DDX20: variants seen among roughly 807,000 people sequenced by gnomAD.
The protein encoded by DDX20 is probable ATP-dependent RNA helicase DDX20.
In DDX20, 61 loss-of-function variants were observed where a neutral mutation model predicts 76.4. The ratio of observed to expected loss-of-function variants is 0.80; its 90% CI spans 0.65 to 0.99. The LOEUF is 0.99. Among genes scored for constraint, DDX20 ranks in the 50% least tolerant of loss-of-function variants. The probability of loss-of-function intolerance (pLI) is 0.00; values close to 1 mark genes in which losing one functional copy is unlikely to be tolerated. For synonymous variants in DDX20, 357 were observed against 357.4 expected, an observed-to-expected ratio of 1.00 and a Z score of 0.01; for missense variants, 976 against 996.8, an observed-to-expected ratio of 0.98 and a Z score of 0.28.
chr1:111,760,321 C>G, intron 3 of DDX20, 153 bp from the exon 4 acceptor site: 1 of 537,420 alleles, frequency 1.9e-6, no homozygotes, highest in East Asian at 3.2e-5. Flanking sequence ...CTCCAGATTT[C>G]TAATTTGTGG....
chr1:111,763,043 A>G, intron 10 of DDX20, 36 bp downstream of exon 10: 1 of 1,478,828 alleles, frequency 6.8e-7, no homozygotes, highest in Non-Finnish European at 9.4e-7. Flanking sequence ...CAAAATAATT[A>G]TAGTGGTGAT....
At chr1:111,760,658 G>T in intron 4 of DDX20, 48 bp from the exon 5 acceptor site, 1 of 1,600,770 alleles carries the variant, frequency 6.2e-7, no homozygotes, top group Non-Finnish European at 8.5e-7. Context: ...TTTCCAAGTG[G>T]TGATTATTGT....
At chr1:111,758,665 G>A (rs183759012) in intron 2 of DDX20, among the ~76,000 whole-genome samples, 1 of 152,098 alleles carries the variant, frequency 6.6e-6, no homozygotes, top group Non-Finnish European at 1.5e-5. Context: ...TGCCATTCAC[G>A]TAGGTCTCTG....
rs1663807639 is a variant in DDX20, at chr1:111,767,530, G to A, written c.*631G>A. ...TCTTTTGAATGTCTTTTGAGGCTGT[G>A]AAAGCTGTCCACATTTTTGCTGTGT... On this transcript the variant is annotated 3_prime_UTR_variant, in exon 11 of 11. Coordinates refer to ENST00000369702, the MANE Select transcript of DDX20 (RefSeq NM_007204.5). 6.6e-6 allele frequency: 1 copy of A among 152,238 alleles called. No homozygotes were observed. The highest frequency in any genetic ancestry group is 1.5e-5 in the Non-Finnish European group (1 of 68,068). 9.4% of individuals were successfully genotyped at this position (152,238 alleles called of 1,614,324 possible). A position where few individuals can be genotyped will look rare whatever the true frequency, so the allele number is the denominator to read the frequency against.
In DDX20 at chr1:111,756,712, C is replaced by G. The variant is rs1663564884; in HGVS notation, c.368C>G (p.Ser123Cys). 6.2e-7 allele frequency: 1 copy of G among 1,614,014 alleles called. No individual in the cohort carries two copies. The highest frequency in any genetic ancestry group is 8.5e-7 in the Non-Finnish European group (1 of 1,180,010). Residue 123 changes from serine to cysteine, a missense_variant, in exon 2 of 11, where the codon TCT (serine) becomes TGT (cysteine). Transcript: ENST00000369702. Reference sequence around the variant, plus strand: ...GTGTTCTCCACCATAGCTTTGGACTCTCTTGTTCTTGAAAACTTAAGTACC... The same window carrying G: ...GTGTTCTCCACCATAGCTTTGGACTGTCTTGTTCTTGAAAACTTAAGTACC... The part of the protein sequence containing the change: ...TCVFSTIALD[S>C]LVLENLSTQI...
At chr1:111,758,630 G>A (rs1336396907) in intron 2 of DDX20, among the ~76,000 whole-genome samples, 1 of 151,770 alleles carries the variant, frequency 6.6e-6, no homozygotes, top group African/African-American at 2.4e-5. Flanking sequence ...GCTTCCCCAG[G>A]GGTCATATAG....
At chr1:111,761,436 T>A in intron 7 of DDX20, 152 bp downstream of exon 7, 1 of 605,254 alleles carries the variant, frequency 1.7e-6, no homozygotes, top group Non-Finnish European at 2.8e-6. Flanking sequence ...TTATTTTTCA[T>A]TGGAATTTGA....
Position 111,762,933 on chromosome 1 carries a change from G to A in DDX20, c.1238G>A (p.Cys413Tyr), listed in dbSNP as rs755337876. ...ACATTGGGGCTGACAGTGACCTACT[G>A]TTGCCGGGGAGAGGAAGAAAATATG... The part of the protein sequence containing the change: ...FGTLGLTVTY[C>Y]CRGEEENMMM... Residue 413 changes from cysteine (C) to tyrosine (Y), a missense_variant, in exon 10 of 11, where the codon TGT (cysteine) becomes TAT (tyrosine). Transcript: ENST00000369702. The A allele has an allele frequency of 1.2e-6, 2 of 1,613,964 alleles. No homozygotes were observed. Among genetic ancestry groups the A allele is most frequent in the South Asian group, 1.1e-5 (1 of 91,086 alleles).
Position 111,767,766 on chromosome 1 carries a change from A to G in DDX20, c.*867A>G, listed in dbSNP as rs1663812740. The G allele has an allele frequency of 6.6e-6, 1 of 152,218 alleles. No homozygotes were observed. Among genetic ancestry groups the G allele is most frequent in the Non-Finnish European group, 1.5e-5 (1 of 68,030 alleles). 9.4% of individuals were successfully genotyped at this position (152,218 alleles called of 1,614,324 possible). A position where few individuals can be genotyped will look rare whatever the true frequency, so the allele number is the denominator to read the frequency against. Reference sequence around the variant, plus strand: ...TCTGAAGTTCATCTATACAGTCCAGATTAACAAGTGACCTGCTCTGCTGGT... The same window carrying G: ...TCTGAAGTTCATCTATACAGTCCAGGTTAACAAGTGACCTGCTCTGCTGGT... On this transcript the variant is annotated 3_prime_UTR_variant, in exon 11 of 11. Coordinates refer to ENST00000369702, the MANE Select transcript of DDX20 (RefSeq NM_007204.5).
intron 2 of DDX20, among the ~76,000 whole-genome samples, chr1:111,757,310 C>G (rs1370353964): frequency 4.6e-5 from 7 of 152,172 alleles, no homozygotes; most frequent in African/African-American, 1.7e-4. Flanking sequence ...CTTTGCCTCC[C>G]AAAGTACTGG....
intron 1 of DDX20, 26 bp downstream of exon 1, chr1:111,756,251 C>CG: frequency 2.9e-6 from 2 of 694,664 alleles, no homozygotes; most frequent in Non-Finnish European, 3.8e-6. Flanking sequence ...CGGGATAGGT[C>CG]GGGGGGTGGG....
chr1:111,756,879 A>C lies in DDX20; in HGVS notation c.396+139A>C, dbSNP rs947798004. 7 of 669,276 alleles carry C rather than the reference A, an allele frequency of 1.0e-5. No individual in the cohort carries two copies. The African/African-American group carries it at 1.1e-4, about 10-fold the overall frequency. 41.5% of individuals were successfully genotyped at this position (669,276 alleles called of 1,614,324 possible). ...AAGTGGTGGTGGTGGCGAAATTTGG[A>C]ATTTTCTATGCGTACCTTATTTAAA... On this transcript the variant is annotated intron_variant, in intron 2 of 10. Coordinates refer to ENST00000369702, the MANE Select transcript of DDX20 (RefSeq NM_007204.5).
chr1:111,758,367 T>TC, intron 2 of DDX20, among the ~76,000 whole-genome samples: 1 of 152,006 alleles, frequency 6.6e-6, no homozygotes, highest in Non-Finnish European at 1.5e-5. Context: ...TTTTTTTTTT[T>TC]TTTTTTAAAT....
At position 111,759,538 on chromosome 1, in the gene DDX20, A is replaced by G; in HGVS notation, c.535A>G (p.Lys179Glu). 2 of 1,613,776 alleles carry G rather than the reference A, an allele frequency of 1.2e-6. No individual in the cohort carries two copies. The highest frequency in any genetic ancestry group is 1.7e-6 in the Non-Finnish European group (2 of 1,179,902). ...TPLSQDKTRL[K>E]KCHIAVGSPG... The stretch of plus-strand genomic sequence containing the variant: ...ATTATCACAAGACAAAACCAGACTT[A>G]AAAAGTGTCATATTGCTGTTGGATC... Residue 179 changes from lysine to glutamate, a missense_variant, in exon 3 of 11, where the codon AAA becomes GAA. Around this residue, in one of 3 missense-constraint regions of DDX20, gnomAD observed 343 missense variants for 286.4 expected, o/e 1.20. Coordinates refer to ENST00000369702, the MANE Select transcript of DDX20 (RefSeq NM_007204.5).
Position 111,756,223 on chromosome 1 carries a change from T to A in DDX20, c.299T>A (p.Leu100His). ...LKAIPLGRCG[L>H]DLIVQAKSGT... is the part of the protein sequence containing the mutation. ...GCCATCCCGTTGGGGCGCTGCGGGCTCGGTGAGAGCGGGGGCCCGGGATAG... is the reference window on the plus strand; with the variant it reads ...GCCATCCCGTTGGGGCGCTGCGGGCACGGTGAGAGCGGGGGCCCGGGATAG... The change falls in exon 1 of 11, where the codon CTC (leucine) becomes CAC (histidine). Residue 100 changes from leucine (L) to histidine (H), a missense_variant and splice_region_variant. Physicochemically the swap from Leu to His is moderately conservative, Grantham distance 99 (BLOSUM62 -3). Coordinates refer to ENST00000369702, the MANE Select transcript of DDX20 (RefSeq NM_007204.5). 7.4e-7 allele frequency: 1 copy of A among 1,360,342 alleles called. No individual in the cohort carries two copies. Among genetic ancestry groups the A allele is most frequent in the Non-Finnish European group, 9.5e-7 (1 of 1,050,886 alleles). 84.3% of individuals were successfully genotyped at this position (1,360,342 alleles called of 1,614,324 possible).
intron 10 of DDX20, among the ~76,000 whole-genome samples, chr1:111,764,379 CTTTATA>C (rs1229277406): frequency 6.6e-5 from 10 of 152,216 alleles, no homozygotes; most frequent in Admixed American, 2.6e-4. Context: ...ATTTTACCGA[CTTTATA>C]TTTAATTATT....
intron 7 of DDX20, chr1:111,761,783 CTT>C (rs1467336638): frequency 6.5e-6 from 1 of 154,864 alleles, no homozygotes; most frequent in Non-Finnish European, 1.4e-5. Flanking sequence ...CAGTGAGATC[CTT>C]TTTAGAGTTT....
chr1:111,761,156 C>G (rs758652801), intron 6 of DDX20, 31 bp downstream of exon 6: 1 of 1,611,616 alleles, frequency 6.2e-7, no homozygotes, highest in Non-Finnish European at 8.5e-7. Context: ...ATCTGGGGAA[C>G]TTGTGAAATA....
chr1:111,765,174 A>G (rs1663753616), intron 10 of DDX20, among the ~76,000 whole-genome samples: 1 of 152,180 alleles, frequency 6.6e-6, no homozygotes, highest in Non-Finnish European at 1.5e-5. Flanking sequence ...AAAAATTAGA[A>G]ATGTCATTTC....
Sources: gnomAD v4.1 joint callset for allele counts (sites outside exome capture counted in the v4.1 genomes callset) on GRCh38, gnomAD v4.1.1 for gene constraint, gnomAD v4.1.1 regional missense constraint, MANE v1.5 for transcripts, NCBI Gene and HGNC (gene_info 2026-07-23, HGNC 2026-07-21) for gene names.